The following SHROOM3 variants were observed in gnomAD, a reference collection of about 807,000 sequenced individuals.
SHROOM3 encodes shroom family member 3.
Under a neutral mutation model 138.6 loss-of-function variants are expected in SHROOM3, and 47 were observed. The observed-to-expected ratio is 0.34, with a 90% CI of 0.27 to 0.43. SHROOM3 has a LOEUF of 0.43. SHROOM3 is among the 20% of genes least tolerant of loss of function. The pLI is 1.00. For missense variants in SHROOM3, 2,491 were observed against 2,596.5 expected (o/e 0.96, Z 0.88); for synonymous variants, 1,062 against 1,063.3 (o/e 1.00, Z 0.02).
At chr4:76,662,232 A>T (rs945429744) in intron 2 of SHROOM3, among the ~76,000 whole-genome samples, 1 of 151,944 alleles carries the variant, frequency 6.6e-6, no homozygotes, top group Non-Finnish European at 1.5e-5. Flanking sequence ...TGTTGGTTGA[A>T]TTCAGCTCCT....
chr4:76,734,613 C>T (rs574019464), intron 4 of SHROOM3, among the ~76,000 whole-genome samples: 16 of 151,086 alleles, frequency 1.1e-4, no homozygotes, highest in Non-Finnish European at 2.2e-4. Context: ...TGGGCTCAAG[C>T]GATCCTCCCG....
chr4:76,770,823 C>G lies in SHROOM3; in HGVS notation c.5547C>G (p.Leu1849=), dbSNP rs375629236. Reference sequence around the variant, plus strand: ...TGGACAAGGTGGTCAACCTGCTGCTCTCCCTCTCGGGGCGTCTAGCCCGTG... The same window carrying G: ...TGGACAAGGTGGTCAACCTGCTGCTGTCCCTCTCGGGGCGTCTAGCCCGTG... ...GDLDKVVNLL[L]SLSGRLARVE... is the part of the protein sequence containing the mutation. Residue 1849 remains leucine (L), a synonymous_variant, in exon 10 of 11, where the codon CTC becomes CTG. Coordinates refer to ENST00000296043, the MANE Select transcript of SHROOM3 (RefSeq NM_020859.4). 4.3e-6 allele frequency: 7 copies of G among 1,614,088 alleles called. No individual in the cohort carries two copies. The highest frequency in any genetic ancestry group is 2.2e-5 in the East Asian group (1 of 44,896).
At chr4:76,437,873 T>C (rs1240975285) in intron 1 of SHROOM3, among the ~76,000 whole-genome samples, 13 of 152,202 alleles carry the variant, frequency 8.5e-5, no homozygotes, top group Non-Finnish European at 1.9e-4. Flanking sequence ...AATGATAAAA[T>C]ATTCTGTATC....
intron 1 of SHROOM3, among the ~76,000 whole-genome samples, chr4:76,503,962 A>G (rs1732151886): frequency 6.6e-6 from 1 of 152,146 alleles, no homozygotes; most frequent in Non-Finnish European, 1.5e-5. Flanking sequence ...ACCCAATTCT[A>G]TAGCCCTTTC....
At chr4:76,513,214 G>A (rs998022383) in intron 1 of SHROOM3, among the ~76,000 whole-genome samples, 1 of 152,124 alleles carries the variant, frequency 6.6e-6, no homozygotes, top group African/African-American at 2.4e-5. Context: ...GTATGCTTTC[G>A]ACTCTGAAAG....
At chr4:76,507,719 T>C (rs1043831396) in intron 1 of SHROOM3, among the ~76,000 whole-genome samples, 1 of 151,976 alleles carries the variant, frequency 6.6e-6, no homozygotes, top group African/African-American at 2.4e-5. Context: ...AATTTTTTTG[T>C]ATTTTTAGTA....
intron 8 of SHROOM3, chr4:76,758,318 G>T (rs1228239143): frequency 6.6e-6 from 1 of 152,148 alleles, no homozygotes; most frequent in South Asian, 2.1e-4. Flanking sequence ...TCTGTTCTCT[G>T]ACCACTGGCT....
At chr4:76,605,938 T>TATATACACATATATATATAC (rs1734604653) in intron 2 of SHROOM3, among the ~76,000 whole-genome samples, 6 of 142,146 alleles carry the variant, frequency 4.2e-5, no homozygotes, top group African/African-American at 1.3e-4. Flanking sequence ...TCTCTCTATA[T>TATATACACATATATATATAC]ATATATATAC....
At chr4:76,506,166 T>C (rs1251207851) in intron 1 of SHROOM3, among the ~76,000 whole-genome samples, 3 of 150,126 alleles carry the variant, frequency 2.0e-5, no homozygotes, top group South Asian at 2.1e-4. Context: ...TAAGTGGGAG[T>C]TGAACAACGA....
At chr4:76,648,902 C>A (rs937961159) in intron 2 of SHROOM3, among the ~76,000 whole-genome samples, 10 of 152,062 alleles carry the variant, frequency 6.6e-5, no homozygotes, top group Admixed American at 6.6e-4. Context: ...GAGAGTATCA[C>A]AGAAAATTAT....
chr4:76,541,010 A>G (rs897140154), intron 1 of SHROOM3, among the ~76,000 whole-genome samples: 1 of 152,180 alleles, frequency 6.6e-6, no homozygotes, highest in Admixed American at 6.6e-5. Context: ...CATGAAATAC[A>G]TATACAATTT....
chr4:76,589,254 G>A (rs1227227683), intron 2 of SHROOM3, among the ~76,000 whole-genome samples: 1 of 152,222 alleles, frequency 6.6e-6, no homozygotes, highest in Non-Finnish European at 1.5e-5. Flanking sequence ...GATCACCTGA[G>A]GTCGGGAGTT....
At chr4:76,646,248 A>ATATATATATATAT (rs1491297588) in intron 2 of SHROOM3, among the ~76,000 whole-genome samples, 4 of 141,010 alleles carry the variant, frequency 2.8e-5, no homozygotes, top group Admixed American at 1.4e-4. Flanking sequence ...ATATATATAT[A>ATATATATATATAT]AAATTAAAAA....
At chr4:76,574,425 T>A (rs1269084959) in intron 2 of SHROOM3, among the ~76,000 whole-genome samples, 1 of 152,118 alleles carries the variant, frequency 6.6e-6, no homozygotes, top group Non-Finnish European at 1.5e-5. Flanking sequence ...GCAATCTGAT[T>A]TACCAAGTCT....
chr4:76,757,598 C>T (rs939673631), intron 8 of SHROOM3, among the ~76,000 whole-genome samples: 2 of 152,164 alleles, frequency 1.3e-5, no homozygotes, highest in African/African-American at 2.4e-5. Flanking sequence ...ACCCTTACCT[C>T]TGAGGCATTA....
At chr4:76,744,533 G>C (rs892360042) in intron 5 of SHROOM3, among the ~76,000 whole-genome samples, 3 of 152,076 alleles carry the variant, frequency 2.0e-5, no homozygotes, top group African/African-American at 4.8e-5. Flanking sequence ...GTTATGATGA[G>C]TAAAAAATAA....
intron 1 of SHROOM3, among the ~76,000 whole-genome samples, chr4:76,460,716 A>C (rs1731122572): frequency 6.6e-6 from 1 of 151,230 alleles, no homozygotes; most frequent in Non-Finnish European, 1.5e-5. Flanking sequence ...AGAGGCCACT[A>C]GTGGTAGCTC....
intron 2 of SHROOM3, among the ~76,000 whole-genome samples, chr4:76,620,070 C>CAAAAAAAAAAAAAAAAAAAAAA (rs68039696): frequency 3.3e-5 from 2 of 61,094 alleles, no homozygotes; most frequent in Non-Finnish European, 6.4e-5. Context: ...GAATCTATCT[C>CAAAAAAAAAAAAAAAAAAAAAA]AAAAAAAAAA....
intron 2 of SHROOM3, among the ~76,000 whole-genome samples, chr4:76,648,167 A>G (rs551324368): frequency 6.6e-6 from 1 of 152,064 alleles, no homozygotes; most frequent in Non-Finnish European, 1.5e-5. Flanking sequence ...GTCTCTGCAA[A>G]AAATTAAAAA....
Sources: gnomAD v4.1 joint callset for allele counts (sites outside exome capture counted in the v4.1 genomes callset) on GRCh38, gnomAD v4.1.1 for gene constraint, MANE v1.5 for transcripts, NCBI Gene and HGNC (gene_info 2026-07-23, HGNC 2026-07-21) for gene names.